HRH4: variants seen among roughly 807,000 people sequenced by gnomAD.
HRH4 encodes histamine H4 receptor.
A neutral mutation model predicts 10.4 loss-of-function variants in HRH4; 12 were observed. The observed-to-expected ratio is 1.15, with a 90% CI of 0.74 to 1.87. HRH4 has a LOEUF of 1.87. HRH4 is among the 40% of genes most tolerant of loss of function. The pLI, the probability that HRH4 is intolerant of heterozygous loss-of-function variation, is 0.00. For missense variants in HRH4, 415 were observed against 453.3 expected, an observed-to-expected ratio of 0.92 and a Z score of 0.77; for synonymous variants, 154 against 166.6, an observed-to-expected ratio of 0.92 and a Z score of 0.58.
At chr18:24,474,914 G>GGCATTGTGATCTGCCT (rs2144382161) in intron 2 of HRH4, among the ~76,000 whole-genome samples, 1 of 152,156 alleles carries the variant, frequency 6.6e-6, no homozygotes, top group East Asian at 1.9e-4. Context: ...TCGATCTCCT[G>GGCATTGTGATCTGCCT]GCCTTGTGAT....
chr18:24,473,624 GTATGACCTCAT>G (rs1346608266), intron 2 of HRH4, among the ~76,000 whole-genome samples: 15 of 152,132 alleles, frequency 9.9e-5, no homozygotes, highest in Admixed American at 4.6e-4. Flanking sequence ...CCCTAATTCA[GTATGACCTCAT>G]CTTAACTGGA....
At position 24,476,735 on chromosome 18, in the gene HRH4, G is replaced by T; in HGVS notation, c.358-12G>T. The stretch of plus-strand genomic sequence containing the variant: ...ACATTCATTATATTGAAAATAATTT[G>T]GTTTCTTCTAGGTGTCTTATAGAAC... On this transcript the variant is annotated splice_polypyrimidine_tract_variant and intron_variant, in intron 2 of 2. Transcript: ENST00000256906. 6.4e-7 allele frequency: 1 copy of T among 1,569,016 alleles called. No homozygotes were observed. Among genetic ancestry groups the T allele is most frequent in the South Asian group, 1.1e-5 (1 of 89,340 alleles).
At chr18:24,464,327 CAGAG>C (rs1261382845) in intron 1 of HRH4, among the ~76,000 whole-genome samples, 9 of 151,992 alleles carry the variant, frequency 5.9e-5, no homozygotes, top group East Asian at 1.9e-4. Flanking sequence ...TGAGTGCGCA[CAGAG>C]AGAGAGAGTG....
intron 2 of HRH4, 48 bp from the exon 3 acceptor site, chr18:24,476,699 A>G (rs771842464): frequency 7.3e-7 from 1 of 1,375,506 alleles, no homozygotes; most frequent in African/African-American, 1.4e-5. Flanking sequence ...TACTTTATGC[A>G]TTCAACATAC....
Position 24,476,746 on chromosome 18 carries a change from G to A in HRH4, c.358-1G>A, listed in dbSNP as rs759077481. The stretch of plus-strand genomic sequence containing the variant: ...ATTGAAAATAATTTGGTTTCTTCTA[G>A]GTGTCTTATAGAACTCAACATACTG... On this transcript the variant is annotated splice_acceptor_variant, in intron 2 of 2. Transcript: ENST00000256906. LOFTEE classifies it high-confidence loss of function. 6.8e-6 allele frequency: 11 copies of A among 1,607,016 alleles called. No individual in the cohort carries two copies. Among genetic ancestry groups the A allele is most frequent in the Non-Finnish European group, 9.4e-6 (11 of 1,175,532 alleles).
chr18:24,461,282 A>G (rs1440860176), intron 1 of HRH4, among the ~76,000 whole-genome samples: 1 of 152,176 alleles, frequency 6.6e-6, no homozygotes, highest in East Asian at 1.9e-4. Context: ...TTTTGTTGGT[A>G]TCACAATGTT....
chr18:24,476,923 A>G lies in HRH4; in HGVS notation c.534A>G (p.Thr178=), dbSNP rs778698147. Residue 178 remains threonine (T), a synonymous_variant, in exon 3 of 3, where the codon ACA becomes ACG. Coordinates refer to ENST00000256906, the MANE Select transcript of HRH4 (RefSeq NM_021624.4). ...FFSEWYILAI[T]SFLEFVIPVI... is the part of the protein sequence containing the mutation. Reference sequence around the variant, plus strand: ...CGGAATGGTACATCCTTGCCATCACATCATTCTTGGAATTCGTGATCCCAG... The same window carrying G: ...CGGAATGGTACATCCTTGCCATCACGTCATTCTTGGAATTCGTGATCCCAG... The G allele has an allele frequency of 4.0e-5, 64 of 1,614,038 alleles. No individual in the cohort carries two copies. Among genetic ancestry groups the G allele is most frequent in the South Asian group, 1.5e-4 (14 of 91,080 alleles).
chr18:24,468,928 C>T lies in HRH4; in HGVS notation c.334C>T (p.Arg112Ter), dbSNP rs778017267. 8.8e-5 allele frequency: 142 copies of T among 1,606,886 alleles called. No individual in the cohort carries two copies. Among genetic ancestry groups the T allele is most frequent in the South Asian group, 1.3e-4 (12 of 89,562 alleles). Residue 112 changes from arginine (R) to a stop codon, truncating the protein, a stop_gained, in exon 2 of 3, where the codon CGA (arginine) becomes TGA (stop). Transcript: ENST00000256906. LOFTEE classifies it low-confidence loss of function (END_TRUNC). ...VYNIVLISYD[R>*]YLSVSNAVSY... Reference sequence around the variant, plus strand: ...TAACATTGTCCTCATCAGCTATGATCGATACCTGTCAGTCTCAAATGCTGT... The same window carrying T: ...TAACATTGTCCTCATCAGCTATGATTGATACCTGTCAGTCTCAAATGCTGT...
At chr18:24,466,420 G>T (rs1909777917) in intron 1 of HRH4, among the ~76,000 whole-genome samples, 1 of 151,538 alleles carries the variant, frequency 6.6e-6, no homozygotes, top group Non-Finnish European at 1.5e-5. Context: ...ACCACTCTCA[G>T]CCAGTGACCT....
At position 24,477,189 on chromosome 18, in the gene HRH4, T is replaced by C. The variant is rs777124514; in HGVS notation, c.800T>C (p.Met267Thr). 4 of 1,614,112 alleles carry C rather than the reference T, an allele frequency of 2.5e-6. No homozygotes were observed. In the African/African-American group the frequency reaches 4.0e-5, roughly 16 times the overall value. The change falls in exon 3 of 3, where the codon ATG (methionine) becomes ACG (threonine). Residue 267 changes from methionine to threonine, a missense_variant. By Grantham distance (81) the Met-to-Thr change is moderately conservative. Transcript: ENST00000256906. ...SSLMFSSRTKMNSNTIASKMG... is the reference protein window; with the variant it reads ...SSLMFSSRTKTNSNTIASKMG... ...CTCATGTTTTCCTCAAGAACCAAGA[T>C]GAATAGCAATACAATTGCTTCCAAA...
In HRH4 at chr18:24,468,866, T is replaced by C. The variant is rs1227001218; in HGVS notation, c.272T>C (p.Leu91Pro). The C allele has an allele frequency of 6.2e-7, 1 of 1,614,038 alleles. No homozygotes were observed. Among genetic ancestry groups the C allele is most frequent in the East Asian group, 2.2e-5 (1 of 44,874 alleles). ...DFGKEICVFW[L>P]TTDYLLCTAS... ...GGAAAGGAAATCTGTGTATTTTGGC[T>C]CACTACTGACTATCTGTTATGTACA... is the stretch of plus-strand genomic sequence containing the variant. Residue 91 changes from leucine (L) to proline (P), a missense_variant, in exon 2 of 3, where the codon CTC (leucine) becomes CCC (proline). By Grantham distance (98) the Leu-to-Pro change is moderately conservative. Coordinates refer to ENST00000256906, the MANE Select transcript of HRH4 (RefSeq NM_021624.4).
intron 2 of HRH4, 59 bp downstream of exon 2, chr18:24,469,010 C>T: frequency 7.4e-7 from 1 of 1,352,432 alleles, no homozygotes; most frequent in Non-Finnish European, 1.0e-6. Context: ...TATGATGGGT[C>T]CTCAAGCAAA....
At chr18:24,464,663 A>G (rs1909728258) in intron 1 of HRH4, among the ~76,000 whole-genome samples, 1 of 152,094 alleles carries the variant, frequency 6.6e-6, no homozygotes, top group Non-Finnish European at 1.5e-5. Flanking sequence ...ACGATGCCAG[A>G]TGGGTGGCAA....
intron 1 of HRH4, among the ~76,000 whole-genome samples, chr18:24,465,671 A>G (rs1294835221): frequency 6.6e-6 from 1 of 152,174 alleles, no homozygotes; most frequent in Non-Finnish European, 1.5e-5. Context: ...AACGAGCCAC[A>G]GACATCTCTG....
intron 1 of HRH4, among the ~76,000 whole-genome samples, chr18:24,466,522 A>G (rs1271721451): frequency 6.6e-6 from 1 of 152,076 alleles, no homozygotes; most frequent in Non-Finnish European, 1.5e-5. Flanking sequence ...TTGAAACATG[A>G]AACAAACAGG....
intron 1 of HRH4, among the ~76,000 whole-genome samples, chr18:24,464,369 A>C (rs1909721033): frequency 6.6e-6 from 1 of 152,044 alleles, no homozygotes; most frequent in Non-Finnish European, 1.5e-5. Context: ...TCTTATAAGC[A>C]CACTATTGGA....
At chr18:24,472,293 C>T (rs1909992059) in intron 2 of HRH4, among the ~76,000 whole-genome samples, 1 of 152,092 alleles carries the variant, frequency 6.6e-6, no homozygotes, top group Non-Finnish European at 1.5e-5. Flanking sequence ...TGATCCGCCC[C>T]CCTCAGCCTC....
chr18:24,463,890 A>G (rs989226694), intron 1 of HRH4, among the ~76,000 whole-genome samples: 6 of 152,208 alleles, frequency 3.9e-5, no homozygotes, highest in African/African-American at 1.4e-4. Flanking sequence ...ATCTACATCA[A>G]TATCAATAAA....
intron 2 of HRH4, among the ~76,000 whole-genome samples, chr18:24,470,367 T>C (rs681807): frequency 4.6e-5 from 7 of 152,038 alleles, no homozygotes; most frequent in Admixed American, 2.0e-4. Context: ...GAACCTACTG[T>C]TTCTGTTGCA....
Sources: allele counts gnomAD v4.1 joint callset (sites outside exome capture counted in the v4.1 genomes callset), GRCh38; gene constraint gnomAD v4.1.1; transcripts MANE v1.5; gene names NCBI Gene and HGNC (gene_info 2026-07-23, HGNC 2026-07-21).